ACVR1: variants seen among roughly 807,000 people sequenced by gnomAD.
The protein encoded by ACVR1 is activin A receptor type 1, also known as activin receptor type-1.
ACVR1 carries 38 observed loss-of-function variants against 57.1 expected under a neutral mutation model. That is an observed-to-expected ratio of 0.67 (90% confidence interval 0.51 to 0.87). The LOEUF (loss-of-function observed/expected upper bound fraction) is 0.87, where lower values mean the gene tolerates loss of function less well. Ranked by LOEUF, ACVR1 falls within the 40% of genes least tolerant of loss-of-function variation. The pLI is 0.00. For synonymous variants in ACVR1, 212 were observed against 228.1 expected (o/e 0.93, Z 0.63); for missense variants, 463 against 638.2 (o/e 0.73, Z 2.96).
intron 7 of ACVR1, among the ~76,000 whole-genome samples, chr2:157,768,819 G>A (rs1685971334): frequency 6.6e-6 from 1 of 152,178 alleles, no homozygotes; most frequent in African/African-American, 2.4e-5. Flanking sequence ...CTGGGAAAAT[G>A]AGAGTACCTA....
Position 157,825,441 on chromosome 2 carries a change from T to C in ACVR1, c.-182-6882A>G, listed in dbSNP as rs185189710. Among the ~76,000 whole-genome samples, 5 of 152,268 alleles carry C rather than the reference T, an allele frequency of 3.3e-5. No homozygotes were observed. In the East Asian group the frequency reaches 9.7e-4, roughly 29 times the overall value. ...CAACCCCCAGGCTGTGGACGGGTAC[T>C]GGTCCATGGCCTGTTAGGAACCCGG... On this transcript the variant is annotated intron_variant, in intron 1 of 10. Transcript: ENST00000434821.
chr2:157,845,499 C>A (rs1417265498), intron 1 of ACVR1, among the ~76,000 whole-genome samples: 1 of 151,946 alleles, frequency 6.6e-6, no homozygotes, highest in African/African-American at 2.4e-5. Context: ...AAAGAGTCTC[C>A]CCTAAAGCCA....
At chr2:157,787,991 G>C (rs1559057018) in intron 3 of ACVR1, among the ~76,000 whole-genome samples, 3 of 152,144 alleles carry the variant, frequency 2.0e-5, no homozygotes, top group Admixed American at 6.5e-5. Flanking sequence ...CACCCCTACA[G>C]CCTTTCTGGA....
chr2:157,757,999 A>C (rs1419446670), intron 9 of ACVR1, among the ~76,000 whole-genome samples: 1 of 151,946 alleles, frequency 6.6e-6, no homozygotes, highest in East Asian at 1.9e-4. Context: ...TTTTGAATGT[A>C]AACAGATTAA....
chr2:157,760,107 C>T (rs902092384), intron 9 of ACVR1, among the ~76,000 whole-genome samples: 1 of 152,050 alleles, frequency 6.6e-6, no homozygotes, highest in Non-Finnish European at 1.5e-5. Flanking sequence ...AGCAATCAAG[C>T]AAGACAAAGA....
intron 3 of ACVR1, among the ~76,000 whole-genome samples, chr2:157,793,351 TA>T (rs141062281): frequency 2.7e-5 from 4 of 146,434 alleles, no homozygotes; most frequent in Non-Finnish European, 1.5e-5. Flanking sequence ...TACTGTCCAC[TA>T]AAAAAAAAAC....
chr2:157,780,276 A>G, intron 4 of ACVR1, 61 bp downstream of exon 4: 1 of 1,611,306 alleles, frequency 6.2e-7, no homozygotes, highest in Non-Finnish European at 8.5e-7. Context: ...TTTAACCCAC[A>G]CGGACCCAGG....
In ACVR1 at chr2:157,749,601, A is replaced by G. The variant is rs538361578; in HGVS notation, c.1265-11031T>C. On this transcript the variant is annotated intron_variant, in intron 9 of 10. Transcript: ENST00000434821. ...TAAAACTCCCTTGTGAGAAGAACAA[A>G]AAAGGAAGGAGGGTGGGAAGAAAGG... 2.0e-5 allele frequency among the ~76,000 whole-genome samples: 3 copies of G among 152,326 alleles called. No individual in the cohort carries two copies. The South Asian group carries it at 6.2e-4, about 32-fold the overall frequency.
intron 2 of ACVR1, among the ~76,000 whole-genome samples, chr2:157,812,516 AT>A (rs1687785349): frequency 6.6e-6 from 1 of 152,226 alleles, no homozygotes; most frequent in Non-Finnish European, 1.5e-5. Context: ...TCACCTTGTA[AT>A]TAACTAAACT....
intron 1 of ACVR1, among the ~76,000 whole-genome samples, chr2:157,869,166 T>TTGATGCTGATGGGGATCAAGA (rs1289229442): frequency 1.3e-5 from 2 of 152,180 alleles, no homozygotes; most frequent in African/African-American, 4.8e-5. Flanking sequence ...AGCCCCACCT[T>TTGATGCTGATGGGGATCAAGA]TGATGCTGAT....
chr2:157,865,099 G>GAAAAAA (rs59833492), intron 1 of ACVR1, among the ~76,000 whole-genome samples: 4 of 113,884 alleles, frequency 3.5e-5, no homozygotes, highest in Non-Finnish European at 7.3e-5. Context: ...ACTTACACAG[G>GAAAAAA]AAAAAAAAAA....
At chr2:157,830,807 A>C (rs1313182450) in intron 1 of ACVR1, among the ~76,000 whole-genome samples, 2 of 151,842 alleles carry the variant, frequency 1.3e-5, no homozygotes, top group African/African-American at 4.8e-5. Flanking sequence ...TCATGCCCCC[A>C]TACAATTCCC....
chr2:157,766,386 A>G (rs1029073987), intron 7 of ACVR1, among the ~76,000 whole-genome samples, 190 bp from the exon 8 acceptor site: 7 of 152,256 alleles, frequency 4.6e-5, no homozygotes, highest in Non-Finnish European at 1.0e-4. Context: ...TTAAAAGGGC[A>G]CTGCTAATAG....
chr2:157,843,710 A>G (rs1284979785), intron 1 of ACVR1, among the ~76,000 whole-genome samples: 8 of 152,122 alleles, frequency 5.3e-5, no homozygotes, highest in African/African-American at 1.9e-4. Flanking sequence ...TTCTAGGCCA[A>G]CCCTGCAATA....
Position 157,780,534 on chromosome 2 carries a change from T to C in ACVR1, c.134A>G (p.Glu45Gly). The C allele has an allele frequency of 6.2e-7, 1 of 1,613,772 alleles. No individual in the cohort carries two copies. Among genetic ancestry groups the C allele is most frequent in the Non-Finnish European group, 8.5e-7 (1 of 1,179,996 alleles). The change falls in exon 4 of 11, where the codon GAG (glutamate) becomes GGG (glycine). Residue 45 changes from glutamate to glycine, a missense_variant. Around this residue, in one of 3 missense-constraint regions of ACVR1, gnomAD observed 203 missense variants for 235.5 expected, o/e 0.86. Coordinates refer to ENST00000434821, the MANE Select transcript of ACVR1 (RefSeq NM_001111067.4). ...GCACTGCTGGCCTTCACAGTGGTCC[T>C]CATTACCGCAGGAGAGACCTTCACA... ...CVCEGLSCGN[E>G]DHCEGQQCFS...
At chr2:157,822,927 T>C (rs1364535768) in intron 1 of ACVR1, among the ~76,000 whole-genome samples, 2 of 152,258 alleles carry the variant, frequency 1.3e-5, no homozygotes, top group African/African-American at 4.8e-5. Flanking sequence ...ATTCGTATGT[T>C]GAAGTCACCA....
chr2:157,781,157 T>C (rs1445344410), intron 3 of ACVR1, among the ~76,000 whole-genome samples: 1 of 152,148 alleles, frequency 6.6e-6, no homozygotes, highest in Non-Finnish European at 1.5e-5. Flanking sequence ...ACTCGAAATG[T>C]TTGAGACCAG....
At chr2:157,806,741 T>C (rs986290679) in intron 2 of ACVR1, 2 of 152,218 alleles carry the variant, frequency 1.3e-5, no homozygotes, top group African/African-American at 4.8e-5. Context: ...TCATACCATG[T>C]AAGTTAAGTC....
At chr2:157,861,650 A>G (rs1325325099) in intron 1 of ACVR1, among the ~76,000 whole-genome samples, 1 of 152,232 alleles carries the variant, frequency 6.6e-6, no homozygotes, top group African/African-American at 2.4e-5. Context: ...GTGTTCATCC[A>G]CTTTATGGAG....
Sources: allele counts gnomAD v4.1 joint callset (sites outside exome capture counted in the v4.1 genomes callset), GRCh38; gene constraint gnomAD v4.1.1; regional missense constraint gnomAD v4.1.1; transcripts MANE v1.5; gene names NCBI Gene and HGNC (gene_info 2026-07-23, HGNC 2026-07-21).